The following BMPR1A variants were observed in gnomAD, a reference collection of about 807,000 sequenced individuals.
BMPR1A encodes bone morphogenetic protein receptor type 1A.
Under a neutral mutation model 66.0 loss-of-function variants are expected in BMPR1A, and 7 were observed. The observed-to-expected ratio is 0.11, with a 90% CI of 0.06 to 0.20. The LOEUF (loss-of-function observed/expected upper bound fraction) is 0.20, where lower values mean the gene tolerates loss of function less well. Among genes scored for constraint, BMPR1A ranks in the 10% least tolerant of loss-of-function variants. The probability of loss-of-function intolerance (pLI) is 1.00; values close to 1 mark genes in which losing one functional copy is unlikely to be tolerated. For synonymous variants in BMPR1A, 200 were observed against 229.7 expected, an observed-to-expected ratio of 0.87 and a Z score of 1.17; for missense variants, 408 against 669.1, an observed-to-expected ratio of 0.61 and a Z score of 4.31.
At position 86,927,060 on chromosome 10, in the gene BMPR1A, C is replaced by T. The variant is rs1224005779; in HGVS notation, c.*3341C>T. ...GCCTTTCCAGTGTCCAGAAGTGTTT[C>T]TAAACTTAGAAAGTGACCTATAGTT... On this transcript the variant is annotated 3_prime_UTR_variant, in exon 13 of 13. Transcript: ENST00000372037. 1 of 186,818 alleles carries T rather than the reference C, an allele frequency of 5.4e-6. No individual in the cohort carries two copies. The highest frequency in any genetic ancestry group is 1.1e-5 in the Non-Finnish European group (1 of 88,598). 11.6% of individuals were successfully genotyped at this position (186,818 alleles called of 1,614,324 possible). A position where few individuals can be genotyped will look rare whatever the true frequency, so the allele number is the denominator to read the frequency against.
Position 86,899,870 on chromosome 10 carries a change from C to T in BMPR1A, c.410C>T (p.Thr137Ile), listed in dbSNP as rs1843282592. 2 of 1,614,214 alleles carry T rather than the reference C, an allele frequency of 1.2e-6. No homozygotes were observed. The highest frequency in any genetic ancestry group is 1.7e-6 in the Non-Finnish European group (2 of 1,180,018). ...TNLCNQYLQP[T>I]LPPVVIGPFF... ...TTATGTAACCAGTATTTGCAACCCA[C>T]ACTGCCCCCTGTTGTCATAGGTAGG... Residue 137 changes from threonine to isoleucine, a missense_variant, in exon 6 of 13, where the codon ACA becomes ATA. Coordinates refer to ENST00000372037, the MANE Select transcript of BMPR1A (RefSeq NM_004329.3).
intron 2 of BMPR1A, among the ~76,000 whole-genome samples, chr10:86,846,086 C>G (rs1000204667): frequency 6.6e-6 from 1 of 152,136 alleles, no homozygotes; most frequent in African/African-American, 2.4e-5. Flanking sequence ...TGGTCCTGAG[C>G]TCTTATTTCC....
chr10:86,846,971 T>TTTTATTTA (rs201967253), intron 2 of BMPR1A, among the ~76,000 whole-genome samples: 1 of 152,062 alleles, frequency 6.6e-6, no homozygotes, highest in East Asian at 1.9e-4. Context: ...GGTGCTTTAA[T>TTTTATTTA]TTTATTTATT....
rs368717910 is a variant in BMPR1A, at chr10:86,802,098, C to A, written c.-267-36767C>A. ...TGCGTCGTTGAGGGCCTCCATTGTC[C>A]AGCCCCATCTCCTTTACTCTCTCAG... On this transcript the variant is annotated intron_variant, in intron 1 of 12. Transcript: ENST00000372037. Among the ~76,000 whole-genome samples the A allele has an allele frequency of 9.9e-5, 15 of 152,212 alleles. No homozygotes were observed. The East Asian group carries it at 2.5e-3, about 26-fold the overall frequency.
intron 1 of BMPR1A, among the ~76,000 whole-genome samples, chr10:86,774,476 T>C (rs1271422896): frequency 6.6e-6 from 1 of 152,010 alleles, no homozygotes; most frequent in East Asian, 1.9e-4. Flanking sequence ...AGAGATATAC[T>C]CTTTAAAGGG....
rs533118088 is a variant in BMPR1A, at chr10:86,898,516, G to A, written c.334-1278G>A. Among the ~76,000 whole-genome samples the A allele has an allele frequency of 3.3e-5, 5 of 152,240 alleles. No homozygotes were observed. In the East Asian group the frequency reaches 7.7e-4, roughly 23 times the overall value. On this transcript the variant is annotated intron_variant, in intron 5 of 12. Transcript: ENST00000372037. ...TTGGGATGTCGTTTCCCACTTAGTA[G>A]TGTTTGAGCTACCTTCGTCATCCCT...
intron 2 of BMPR1A, chr10:86,856,315 G>A: frequency 4.3e-6 from 2 of 460,024 alleles, no homozygotes; most frequent in Non-Finnish European, 4.3e-6. Context: ...GGGAGCCCTG[G>A]CCCTCTGCAG....
intron 1 of BMPR1A, among the ~76,000 whole-genome samples, chr10:86,772,579 A>C: frequency 6.6e-6 from 1 of 152,192 alleles, no homozygotes; most frequent in East Asian, 1.9e-4. Flanking sequence ...GAAGAAAAAG[A>C]GAGTCAGTTG....
chr10:86,865,234 C>T (rs1476088480), intron 2 of BMPR1A, among the ~76,000 whole-genome samples: 1 of 152,082 alleles, frequency 6.6e-6, no homozygotes, highest in Non-Finnish European at 1.5e-5. Flanking sequence ...GATGACATTC[C>T]ACCACAAAAG....
At chr10:86,861,123 G>C (rs1046919692) in intron 2 of BMPR1A, among the ~76,000 whole-genome samples, 2 of 152,148 alleles carry the variant, frequency 1.3e-5, no homozygotes, top group African/African-American at 4.8e-5. Flanking sequence ...TTACAGGCGT[G>C]AGCCACCGCG....
intron 1 of BMPR1A, among the ~76,000 whole-genome samples, chr10:86,786,599 C>T (rs1841521712): frequency 6.6e-6 from 1 of 152,216 alleles, no homozygotes; most frequent in Non-Finnish European, 1.5e-5. Context: ...CTCCAGGGCT[C>T]AGTCCTTAGA....
At chr10:86,786,988 G>A (rs998349335) in intron 1 of BMPR1A, among the ~76,000 whole-genome samples, 24 of 152,174 alleles carry the variant, frequency 1.6e-4, no homozygotes, top group African/African-American at 5.5e-4. Flanking sequence ...TTTCTTAACA[G>A]TATTGAATAA....
chr10:86,848,853 GCTTT>G (rs1298242635), intron 2 of BMPR1A, among the ~76,000 whole-genome samples: 1 of 152,150 alleles, frequency 6.6e-6, no homozygotes, highest in Non-Finnish European at 1.5e-5. Context: ...CTGCATCTCT[GCTTT>G]CTATCAGATC....
chr10:86,864,980 A>C (rs1430863347), intron 2 of BMPR1A, among the ~76,000 whole-genome samples: 1 of 152,022 alleles, frequency 6.6e-6, no homozygotes, highest in East Asian at 1.9e-4. Flanking sequence ...CCACCCCCCA[A>C]AAATTTTCGC....
chr10:86,760,195 T>TG (rs1425458687), intron 1 of BMPR1A, among the ~76,000 whole-genome samples: 14 of 148,666 alleles, frequency 9.4e-5, no homozygotes, highest in East Asian at 5.9e-4. Flanking sequence ...CCTGTTTTTT[T>TG]TTTTTTTTTT....
At chr10:86,767,259 G>A (rs773923899) in intron 1 of BMPR1A, among the ~76,000 whole-genome samples, 5 of 152,104 alleles carry the variant, frequency 3.3e-5, no homozygotes, top group Non-Finnish European at 7.4e-5. Context: ...CTTGTTATAC[G>A]CTCCTTTGAT....
intron 7 of BMPR1A, among the ~76,000 whole-genome samples, chr10:86,910,140 C>T (rs1829386467): frequency 6.6e-6 from 1 of 152,038 alleles, no homozygotes; most frequent in Non-Finnish European, 1.5e-5. Flanking sequence ...CAAGACCAGC[C>T]TGGCCAACAT....
chr10:86,807,742 T>C (rs542924587), intron 1 of BMPR1A, among the ~76,000 whole-genome samples: 4 of 152,268 alleles, frequency 2.6e-5, no homozygotes, highest in African/African-American at 9.6e-5. Flanking sequence ...TTCTGTAATC[T>C]CTATCAAGAT....
intron 2 of BMPR1A, among the ~76,000 whole-genome samples, chr10:86,849,169 T>G (rs1170769657): frequency 6.6e-6 from 1 of 152,254 alleles, no homozygotes; most frequent in Non-Finnish European, 1.5e-5. Context: ...CTGCCTACAC[T>G]TAATCATTCT....
Sources: gnomAD v4.1 joint callset for allele counts (sites outside exome capture counted in the v4.1 genomes callset) on GRCh38, gnomAD v4.1.1 for gene constraint, MANE v1.5 for transcripts, NCBI Gene and HGNC (gene_info 2026-07-23, HGNC 2026-07-21) for gene names.